The following DENND5A variants were observed in gnomAD, a reference collection of about 807,000 sequenced individuals.
DENND5A encodes the protein DENN domain containing 5A, also known as DENN domain-containing protein 5A.
A neutral mutation model predicts 140.3 loss-of-function variants in DENND5A; 64 were observed. The ratio of observed to expected loss-of-function variants is 0.46; its 90% CI spans 0.37 to 0.56. DENND5A has a LOEUF of 0.56. Ranked by LOEUF, DENND5A falls within the 20% of genes least tolerant of loss-of-function variation. The pLI, the probability that DENND5A is intolerant of heterozygous loss-of-function variation, is 0.00. For missense variants in DENND5A, 1,292 were observed against 1,593.8 expected, an observed-to-expected ratio of 0.81 and a Z score of 3.22; for synonymous variants, 605 against 607.7, an observed-to-expected ratio of 1.00 and a Z score of 0.07.
chr11:9,234,357 A>T (rs1850909394), intron 1 of DENND5A, among the ~76,000 whole-genome samples: 1 of 152,022 alleles, frequency 6.6e-6, no homozygotes, highest in South Asian at 2.1e-4. Flanking sequence ...TATAACCAGT[A>T]TACAGACAAT....
At chr11:9,254,197 T>C (rs1422340236) in intron 1 of DENND5A, among the ~76,000 whole-genome samples, 1 of 149,416 alleles carries the variant, frequency 6.7e-6, no homozygotes, top group African/African-American at 2.5e-5. Context: ...GTGGTGGCAC[T>C]TGCCTGTAGT....
intron 12 of DENND5A, among the ~76,000 whole-genome samples, chr11:9,157,579 C>A (rs752463480): frequency 3.3e-5 from 5 of 152,112 alleles, no homozygotes; most frequent in Non-Finnish European, 7.4e-5. Context: ...TGAGAACAAG[C>A]AGTATTTGGT....
At chr11:9,144,874 G>A (rs1173112411) in intron 18 of DENND5A, 121 bp downstream of exon 18, 1 of 705,052 alleles carries the variant, frequency 1.4e-6, no homozygotes, top group Non-Finnish European at 2.6e-6. Context: ...AGCCAAACAG[G>A]AAGTTGCCTC....
rs1267837654 is a variant in DENND5A, at chr11:9,193,752, TAAGTTAAAAC to T, written c.950-81_950-72del. On this transcript the variant is annotated intron_variant, in intron 4 of 22. Transcript: ENST00000328194. Reference sequence around the variant, plus strand: ...AACAAGGCACTTGCTTTCCAAACAGTAAGTTAAAACTTTCAGTACAATTTCTTATTTAGAA... The same window carrying T: ...AACAAGGCACTTGCTTTCCAAACAGTTTTCAGTACAATTTCTTATTTAGAA... The T allele has an allele frequency of 4.5e-6, 6 of 1,330,236 alleles. No individual in the cohort carries two copies. In the African/African-American group the frequency reaches 8.9e-5, roughly 20 times the overall value. The allele number at this position is 1,330,236 out of a possible 1,614,324, so 82.4% of individuals were successfully genotyped here.
intron 1 of DENND5A, among the ~76,000 whole-genome samples, chr11:9,247,354 A>G (rs1163644012): frequency 6.6e-6 from 1 of 152,046 alleles, no homozygotes; most frequent in African/African-American, 2.4e-5. Flanking sequence ...GACTGCAAAT[A>G]TCAGTGTAGA....
chr11:9,141,287 C>T (rs1015600611), intron 22 of DENND5A, among the ~76,000 whole-genome samples: 1 of 152,216 alleles, frequency 6.6e-6, no homozygotes, highest in Non-Finnish European at 1.5e-5. Flanking sequence ...TCTTTCCTTT[C>T]AAAATGGGGC....
At chr11:9,250,338 A>T (rs1851668124) in intron 1 of DENND5A, among the ~76,000 whole-genome samples, 1 of 152,144 alleles carries the variant, frequency 6.6e-6, no homozygotes, top group Non-Finnish European at 1.5e-5. Flanking sequence ...ACATTTCCAG[A>T]ACTGATAAAG....
intron 11 of DENND5A, among the ~76,000 whole-genome samples, chr11:9,165,508 T>G (rs1485783067): frequency 6.6e-6 from 1 of 152,080 alleles, no homozygotes; most frequent in Non-Finnish European, 1.5e-5. Context: ...GGTGCCATCA[T>G]AGCTCACTGT....
chr11:9,189,616 T>TC (rs2136190083), intron 5 of DENND5A, among the ~76,000 whole-genome samples: 1 of 137,960 alleles, frequency 7.2e-6, no homozygotes. Flanking sequence ...TGCTGTTGTT[T>TC]GGTTTTTTTT....
At chr11:9,179,366 C>T (rs1333396684) in intron 6 of DENND5A, among the ~76,000 whole-genome samples, 2 of 152,016 alleles carry the variant, frequency 1.3e-5, no homozygotes, top group African/African-American at 2.4e-5. Flanking sequence ...AGAAAAGGTG[C>T]TAATTATCTC....
rs369139365 is a variant in DENND5A at position 9,223,619 on chromosome 11, TGAGGTG to T, written c.110-15993_110-15988del. Among the ~76,000 whole-genome samples, 477 of 152,006 alleles carry T rather than the reference TGAGGTG, an allele frequency of 3.1e-3. 2 individuals carry two copies. The highest frequency in any genetic ancestry group is 0.011 in the African/African-American group (452 of 41,432). ...CTGAGGTCCCAGCTACTTGGGAGGC[TGAGGTG>T]GGAGGATTGCTCGAGCCAGGGAGAC... is the stretch of plus-strand genomic sequence containing the variant. On this transcript the variant is annotated intron_variant, in intron 1 of 22. Transcript: ENST00000328194.
At chr11:9,218,392 A>AG (rs1850177910) in intron 1 of DENND5A, among the ~76,000 whole-genome samples, 1 of 152,202 alleles carries the variant, frequency 6.6e-6, no homozygotes, top group Non-Finnish European at 1.5e-5. Context: ...ATAAAATTAG[A>AG]GAAAAAATAG....
chr11:9,207,874 C>T (rs143546886), intron 1 of DENND5A, among the ~76,000 whole-genome samples: 104 of 152,252 alleles, frequency 6.8e-4, no homozygotes, highest in African/African-American at 2.4e-3. Flanking sequence ...TGACTGCAGA[C>T]CTACTAATTA....
At chr11:9,200,767 T>C (rs1849495073) in intron 4 of DENND5A, among the ~76,000 whole-genome samples, 1 of 152,258 alleles carries the variant, frequency 6.6e-6, no homozygotes, top group South Asian at 2.1e-4. Flanking sequence ...ACCTGGATTA[T>C]TACAAATTAC....
intron 15 of DENND5A, 70 bp downstream of exon 15, chr11:9,150,011 C>T (rs1331554668): frequency 1.5e-5 from 23 of 1,544,786 alleles, no homozygotes; most frequent in Non-Finnish European, 1.9e-5. Flanking sequence ...CTCCCCCTTC[C>T]CACACAAGTT....
chr11:9,148,760 G>A (rs1033290075), intron 15 of DENND5A, among the ~76,000 whole-genome samples: 1 of 152,196 alleles, frequency 6.6e-6, no homozygotes, highest in African/African-American at 2.4e-5. Flanking sequence ...TGTTCTCTCT[G>A]AGCTAAAGAT....
intron 1 of DENND5A, among the ~76,000 whole-genome samples, chr11:9,224,812 C>T (rs1186478566): frequency 1.3e-5 from 2 of 149,588 alleles, no homozygotes; most frequent in Admixed American, 6.7e-5. Flanking sequence ...GAGCCAAGAT[C>T]GCGCCACTGC....
intron 1 of DENND5A, among the ~76,000 whole-genome samples, chr11:9,246,676 TAAGGTTTGTTCCTG>T (rs1196193769): frequency 1.3e-5 from 2 of 151,408 alleles, no homozygotes; most frequent in African/African-American, 4.9e-5. Context: ...TCTAAGGTTC[TAAGGTTTGTTCCTG>T]AAGGGCTTAA....
At chr11:9,162,169 A>G (rs890904065) in intron 11 of DENND5A, among the ~76,000 whole-genome samples, 9 of 147,824 alleles carry the variant, frequency 6.1e-5, no homozygotes, top group Non-Finnish European at 1.3e-4. Flanking sequence ...TAACCTTCTT[A>G]TTGTGAAATA....
Sources: gnomAD v4.1 joint callset for allele counts (sites outside exome capture counted in the v4.1 genomes callset) on GRCh38, gnomAD v4.1.1 for gene constraint, MANE v1.5 for transcripts, NCBI Gene and HGNC (gene_info 2026-07-23, HGNC 2026-07-21) for gene names.